The following SUPT3H variants were observed in gnomAD, a reference collection of about 807,000 sequenced individuals.
SUPT3H encodes the protein SPT3 homolog, SAGA and STAGA complex component, also known as transcription initiation protein SPT3 homolog.
In SUPT3H, 44 loss-of-function variants were observed where a neutral mutation model predicts 44.3. The observed-to-expected ratio is 0.99, with a 90% CI of 0.78 to 1.28. The LOEUF (loss-of-function observed/expected upper bound fraction) is 1.28, where lower values mean the gene tolerates loss of function less well. SUPT3H is among the 50% of genes most tolerant of loss of function. SUPT3H has a pLI of 0.00. For synonymous variants in SUPT3H, 124 were observed against 125.6 expected, an observed-to-expected ratio of 0.99 and a Z score of 0.09; for missense variants, 380 against 387.1, an observed-to-expected ratio of 0.98 and a Z score of 0.15.
chr6:44,886,377 G>C (rs1762295202), intron 10 of SUPT3H, among the ~76,000 whole-genome samples: 1 of 152,088 alleles, frequency 6.6e-6, no homozygotes, highest in Non-Finnish European at 1.5e-5. Context: ...GAAAGGTCGG[G>C]TTACCCACAA....
intron 2 of SUPT3H, among the ~76,000 whole-genome samples, chr6:45,254,109 T>C (rs927140991): frequency 2.0e-5 from 3 of 151,962 alleles, no homozygotes; most frequent in African/African-American, 4.8e-5. Flanking sequence ...TAATCAGCAA[T>C]GGGACCCACT....
intron 2 of SUPT3H, among the ~76,000 whole-genome samples, chr6:45,175,010 A>AC: frequency 3.3e-5 from 3 of 92,250 alleles, no homozygotes; most frequent in African/African-American, 1.5e-4. Flanking sequence ...AGCCCTCGTC[A>AC]CTAAAAAAAA....
chr6:44,932,625 A>G, intron 10 of SUPT3H, 28 bp downstream of exon 10: 1 of 1,467,550 alleles, frequency 6.8e-7, no homozygotes, highest in Non-Finnish European at 9.3e-7. Flanking sequence ...TTATAAATAT[A>G]ACTTTTTATA....
In SUPT3H at chr6:45,180,392, A is replaced by C. The variant is rs1277193729; in HGVS notation, c.102-74386T>G. Among the ~76,000 whole-genome samples the C allele has an allele frequency of 2.7e-5, 4 of 150,786 alleles. No individual in the cohort carries two copies. The East Asian group carries it at 7.8e-4, about 29-fold the overall frequency. The stretch of plus-strand genomic sequence containing the variant: ...CTTTAAAGTTCATATGGAACCAAAA[A>C]AGAGCCCACATCGCCAAGTCAATCC... On this transcript the variant is annotated intron_variant, in intron 2 of 10. Coordinates refer to ENST00000371459, the MANE Select transcript of SUPT3H (RefSeq NM_003599.4).
chr6:45,196,595 C>A (rs1411715709), intron 2 of SUPT3H, among the ~76,000 whole-genome samples: 1 of 151,968 alleles, frequency 6.6e-6, no homozygotes, highest in East Asian at 1.9e-4. Flanking sequence ...ACCACAGTTT[C>A]TTTGGTTATG....
intron 3 of SUPT3H, among the ~76,000 whole-genome samples, chr6:45,096,233 T>C (rs2153565812): frequency 6.6e-6 from 1 of 152,290 alleles, no homozygotes; most frequent in African/African-American, 2.4e-5. Context: ...ATTTATAGCC[T>C]GTAAATATGT....
At chr6:44,867,939 A>C in intron 10 of SUPT3H, among the ~76,000 whole-genome samples, 1 of 147,214 alleles carries the variant, frequency 6.8e-6, no homozygotes. Context: ...TCTATCCCCC[A>C]TCCCTACCTT....
intron 10 of SUPT3H, among the ~76,000 whole-genome samples, chr6:44,847,842 T>A (rs1027297496): frequency 1.3e-5 from 2 of 152,102 alleles, no homozygotes; most frequent in Non-Finnish European, 2.9e-5. Context: ...TTGTCACTGG[T>A]GAGATGTCAA....
At chr6:45,177,294 C>T (rs1167543939) in intron 2 of SUPT3H, among the ~76,000 whole-genome samples, 1 of 151,952 alleles carries the variant, frequency 6.6e-6, no homozygotes, top group Admixed American at 6.5e-5. Context: ...GGAGCCAATG[C>T]GATCAACTGG....
intron 3 of SUPT3H, among the ~76,000 whole-genome samples, chr6:45,021,099 AG>A (rs1043283842): frequency 6.6e-6 from 1 of 151,922 alleles, no homozygotes; most frequent in African/African-American, 2.4e-5. Flanking sequence ...TAATATCCAA[AG>A]GAAAAAAAAT....
At chr6:44,853,703 C>T (rs1371561218) in intron 10 of SUPT3H, among the ~76,000 whole-genome samples, 2 of 151,852 alleles carry the variant, frequency 1.3e-5, no homozygotes, top group South Asian at 2.1e-4. Flanking sequence ...ACTTACATAC[C>T]TGAGCTATAA....
intron 10 of SUPT3H, among the ~76,000 whole-genome samples, chr6:44,890,608 G>T (rs1241086260): frequency 1.5e-5 from 2 of 132,912 alleles, no homozygotes; most frequent in African/African-American, 5.7e-5. Context: ...GGGGACTGTT[G>T]TGGGGTGGGG....
At chr6:45,028,797 G>A (rs895134595) in intron 3 of SUPT3H, among the ~76,000 whole-genome samples, 1 of 145,914 alleles carries the variant, frequency 6.9e-6, no homozygotes, top group Non-Finnish European at 1.5e-5. Flanking sequence ...AGGAAGATGC[G>A]TTCACTAAAT....
intron 10 of SUPT3H, among the ~76,000 whole-genome samples, chr6:44,870,789 G>A (rs1447286169): frequency 7.3e-5 from 11 of 150,834 alleles, no homozygotes; most frequent in East Asian, 2.0e-4. Context: ...CAGTGTGTGC[G>A]CGCACCCTGC....
chr6:44,937,590 C>A (rs530362821), intron 9 of SUPT3H, among the ~76,000 whole-genome samples: 11 of 152,124 alleles, frequency 7.2e-5, no homozygotes, highest in African/African-American at 2.2e-4. Context: ...TCCTCACCAA[C>A]ATGTTATTTT....
Position 45,194,990 on chromosome 6 carries a change from T to G in SUPT3H, c.102-88984A>C, listed in dbSNP as rs544966371. 2.0e-4 allele frequency among the ~76,000 whole-genome samples: 31 copies of G among 152,284 alleles called. No homozygotes were observed. The South Asian group carries it at 3.5e-3, about 17-fold the overall frequency. ...AGACCTATAAATTGCAGTGTAATGT[T>G]TTTCAGTTGAAATCTGTGAATCTAA... On this transcript the variant is annotated intron_variant, in intron 2 of 10. Coordinates refer to ENST00000371459, the MANE Select transcript of SUPT3H (RefSeq NM_003599.4).
At chr6:45,023,893 CT>C (rs372439569) in intron 3 of SUPT3H, among the ~76,000 whole-genome samples, 176 of 152,178 alleles carry the variant, frequency 1.2e-3, no homozygotes, top group African/African-American at 4.0e-3. Flanking sequence ...ACATGTACCC[CT>C]GAACCTAAAA....
intron 9 of SUPT3H, among the ~76,000 whole-genome samples, chr6:44,942,456 A>AC (rs1250666363): frequency 6.6e-6 from 1 of 152,200 alleles, no homozygotes; most frequent in Non-Finnish European, 1.5e-5. Context: ...AGGAGTGGCT[A>AC]ACATATAATC....
At chr6:45,139,392 G>T (rs528956078) in intron 2 of SUPT3H, among the ~76,000 whole-genome samples, 3 of 152,170 alleles carry the variant, frequency 2.0e-5, no homozygotes, top group Admixed American at 2.0e-4. Context: ...GAGGAGACAG[G>T]GCTAACAAGC....
Sources: allele counts gnomAD v4.1 joint callset (sites outside exome capture counted in the v4.1 genomes callset), GRCh38; gene constraint gnomAD v4.1.1; transcripts MANE v1.5; gene names NCBI Gene and HGNC (gene_info 2026-07-23, HGNC 2026-07-21).